The following SLFN12L variants were observed in gnomAD, a reference collection of about 807,000 sequenced individuals.
The protein encoded by SLFN12L is schlafen family member 12 like.
Under a neutral mutation model 34.8 loss-of-function variants are expected in SLFN12L, and 34 were observed. The ratio of observed to expected loss-of-function variants is 0.98; its 90% CI spans 0.74 to 1.30. The LOEUF is 1.30. Ranked by LOEUF, SLFN12L falls within the 50% of genes most tolerant of loss-of-function variation. SLFN12L has a pLI of 0.00. For missense variants in SLFN12L, 703 were observed against 696.2 expected, an observed-to-expected ratio of 1.01 and a Z score of -0.11; for synonymous variants, 259 against 247.5, an observed-to-expected ratio of 1.05 and a Z score of -0.44.
At chr17:35,477,728 A>G (rs1173478078) in intron 4 of SLFN12L, among the ~76,000 whole-genome samples, 5 of 152,136 alleles carry the variant, frequency 3.3e-5, no homozygotes, top group African/African-American at 1.2e-4. Context: ...GAAGTTCAAG[A>G]GAAAAGAAGT....
At chr17:35,498,417 C>A in intron 2 of SLFN12L, 1 of 1,294,748 alleles carries the variant, frequency 7.7e-7, no homozygotes, top group Non-Finnish European at 1.1e-6. Context: ...GGCAGAGCCC[C>A]AGCAATATGA....
chr17:35,484,816 A>C (rs556342254), intron 2 of SLFN12L, among the ~76,000 whole-genome samples: 1 of 151,194 alleles, frequency 6.6e-6, no homozygotes, highest in African/African-American at 2.4e-5. Flanking sequence ...GAGGCTCACA[A>C]AAAAAAAATT....
intron 2 of SLFN12L, among the ~76,000 whole-genome samples, chr17:35,487,120 C>G (rs910627434): frequency 1.3e-5 from 2 of 152,238 alleles, no homozygotes; most frequent in East Asian, 3.8e-4. Context: ...GCTCAGGACT[C>G]CAGGAGGGTG....
At chr17:35,484,737 G>C (rs1249546940) in intron 2 of SLFN12L, among the ~76,000 whole-genome samples, 3 of 152,156 alleles carry the variant, frequency 2.0e-5, no homozygotes, top group Admixed American at 6.6e-5. Flanking sequence ...ACAGGATCAA[G>C]TCAGATTGGA....
In SLFN12L at chr17:35,479,474, C is replaced by T; in HGVS notation, c.808G>A (p.Ala270Thr). 6.2e-7 allele frequency: 1 copy of T among 1,614,134 alleles called. No homozygotes were observed. Among genetic ancestry groups the T allele is most frequent in the Middle Eastern group, 1.6e-4 (1 of 6,062 alleles). The change falls in exon 3 of 5, where the codon GCA (alanine) becomes ACA (threonine). Residue 270 changes from alanine (A) to threonine (T), a missense_variant. Transcript: ENST00000628453. ...ITEILPQYVSAFANTDGGYLF... is the reference protein window; with the variant it reads ...ITEILPQYVSTFANTDGGYLF... ...TATCCTCCATCAGTATTTGCAAATG[C>T]AGAAACATATTGAGGGAGAATCTCT... is the stretch of plus-strand genomic sequence containing the variant.
intron 2 of SLFN12L, chr17:35,487,984 G>A: frequency 1.5e-6 from 1 of 670,834 alleles, no homozygotes; most frequent in Non-Finnish European, 2.7e-6. Context: ...TGAGGAGGGT[G>A]GATCACCAGC....
rs1567635743 is a variant in SLFN12L at position 35,469,150 on chromosome 17, TC to T, written c.*5772del. 6.7e-6 allele frequency among the ~76,000 whole-genome samples: 1 copy of T among 150,130 alleles called. No individual in the cohort carries two copies. Among genetic ancestry groups the T allele is most frequent in the South Asian group, 2.1e-4 (1 of 4,694 alleles). ...CTACCCCTACTACCCCCTCAAGCTT[TC>T]CCCCGTGACTTCCTGCCCTGTGTCT... is the stretch of plus-strand genomic sequence containing the variant. On this transcript the variant is annotated 3_prime_UTR_variant, in exon 5 of 5. Coordinates refer to ENST00000628453, the MANE Select transcript of SLFN12L (RefSeq NM_001363830.2).
chr17:35,489,323 C>T (rs1245567238), intron 2 of SLFN12L, among the ~76,000 whole-genome samples: 1 of 152,018 alleles, frequency 6.6e-6, no homozygotes, highest in Non-Finnish European at 1.5e-5. Context: ...GCGGAGGAGA[C>T]AGGAAGGTCG....
At chr17:35,478,883 A>G (rs1306703230) in intron 3 of SLFN12L, among the ~76,000 whole-genome samples, 2 of 152,230 alleles carry the variant, frequency 1.3e-5, no homozygotes, top group East Asian at 1.9e-4. Context: ...GAGAAGAAAC[A>G]TCTAGAATCT....
chr17:35,479,223 G>A lies in SLFN12L; in HGVS notation c.1059C>T (p.Cys353=). 6.3e-7 allele frequency: 1 copy of A among 1,589,008 alleles called. No homozygotes were observed. Among genetic ancestry groups the A allele is most frequent in the Non-Finnish European group, 8.6e-7 (1 of 1,166,106 alleles). The change falls in exon 3 of 5, where the codon TGC becomes TGT. Residue 353 remains cysteine, a synonymous_variant. Transcript: ENST00000628453. ...CAGGCTTTTTAGCAAACACTGCACA[G>A]CAGAAGCGTTCCACTCTGAGTGCAT... ...YVYALRVERF[C]CAVFAKKPDS... is the part of the protein sequence containing the mutation.
intron 1 of SLFN12L, among the ~76,000 whole-genome samples, chr17:35,527,036 G>A (rs1007867533): frequency 1.1e-4 from 16 of 151,674 alleles, no homozygotes; most frequent in East Asian, 3.9e-4. Flanking sequence ...ATATCACCAC[G>A]AATCCCACAG....
At chr17:35,500,668 G>A (rs1307788995) in intron 2 of SLFN12L, among the ~76,000 whole-genome samples, 20 of 151,838 alleles carry the variant, frequency 1.3e-4, no homozygotes, top group Admixed American at 1.3e-3. Flanking sequence ...GGCAGAGCTT[G>A]CAGTGAGCCA....
intron 1 of SLFN12L, among the ~76,000 whole-genome samples, chr17:35,537,126 G>C (rs538822979): frequency 6.6e-6 from 1 of 152,166 alleles, no homozygotes; most frequent in South Asian, 2.1e-4. Flanking sequence ...GCTGCAGTGA[G>C]TTGTGATCGC....
intron 2 of SLFN12L, among the ~76,000 whole-genome samples, chr17:35,481,348 A>C (rs537203091): frequency 1.8e-4 from 28 of 152,328 alleles, no homozygotes; most frequent in African/African-American, 5.5e-4. Flanking sequence ...TGGAGGCCTA[A>C]CCGTCTCCCT....
intron 2 of SLFN12L, chr17:35,490,998 A>T: frequency 2.5e-6 from 2 of 788,008 alleles, no homozygotes; most frequent in Admixed American, 3.4e-5. Flanking sequence ...TCTATGGGAA[A>T]CCTTTCTCCT....
intron 1 of SLFN12L, among the ~76,000 whole-genome samples, chr17:35,534,180 G>A (rs376896180): frequency 2.0e-5 from 3 of 152,088 alleles, no homozygotes. Context: ...GGCTAACACG[G>A]TGAAACCCCA....
chr17:35,497,002 C>T (rs1452277015), intron 2 of SLFN12L, among the ~76,000 whole-genome samples: 1 of 152,176 alleles, frequency 6.6e-6, no homozygotes, highest in East Asian at 1.9e-4. Context: ...CACGGTGGCT[C>T]ACGCCTGTAA....
At chr17:35,476,388 C>A (rs1292649425) in intron 4 of SLFN12L, among the ~76,000 whole-genome samples, 1 of 150,694 alleles carries the variant, frequency 6.6e-6, no homozygotes, top group African/African-American at 2.4e-5. Context: ...ATTGCTTGAG[C>A]CCAGGAGTTT....
intron 2 of SLFN12L, among the ~76,000 whole-genome samples, chr17:35,502,425 A>G (rs1017094113): frequency 4.8e-5 from 7 of 147,024 alleles, no homozygotes; most frequent in African/African-American, 1.5e-4. Context: ...GGAAAAAAAA[A>G]AAAAAAAAAA....
Sources: allele counts gnomAD v4.1 joint callset (sites outside exome capture counted in the v4.1 genomes callset), GRCh38; gene constraint gnomAD v4.1.1; transcripts MANE v1.5; gene names NCBI Gene and HGNC (gene_info 2026-07-23, HGNC 2026-07-21).